Variants in THOC2 observed in about 807,000 individuals in gnomAD.
THOC2 encodes THO complex 2.
Under a neutral mutation model 128.4 loss-of-function variants are expected in THOC2, and 10 were observed. The ratio of observed to expected loss-of-function variants is 0.08; its 90% CI spans 0.05 to 0.13. The LOEUF (loss-of-function observed/expected upper bound fraction) is 0.13, where lower values mean the gene tolerates loss of function less well. Ranked by LOEUF, THOC2 falls within the 10% of genes least tolerant of loss-of-function variation. The pLI, the probability that THOC2 is intolerant of heterozygous loss-of-function variation, is 1.00. For synonymous variants in THOC2, 393 were observed against 396.9 expected (o/e 0.99, Z 0.12); for missense variants, 535 against 1,155.7 (o/e 0.46, Z 7.79).
rs192469062 is a variant in THOC2 at position 123,684,377 on chromosome X, C to T, written c.768+2171G>A. Among the ~76,000 whole-genome samples the T allele has an allele frequency of 5.6e-3, 630 of 111,772 alleles. 4 individuals are homozygous for T. The highest frequency in any genetic ancestry group is 0.023 in the Middle Eastern group (5 of 218). ...TGACAGAATGCTTGAATCTCTCTTT[C>T]CCAATACCAAGAGTGGACTTTCTGA... is the stretch of plus-strand genomic sequence containing the variant. On this transcript the variant is annotated intron_variant, in intron 8 of 38. Transcript: ENST00000245838.
intron 1 of THOC2, among the ~76,000 whole-genome samples, chrX:123,713,112 A>G (rs1048631664): frequency 6.2e-5 from 7 of 112,299 alleles, no homozygotes; most frequent in African/African-American, 2.3e-4. Context: ...AAATTAGAAT[A>G]TCACCATTTA....
At chrX:123,718,955 C>T (rs958566103) in intron 1 of THOC2, among the ~76,000 whole-genome samples, 8 of 110,289 alleles carry the variant, frequency 7.3e-5, no homozygotes, top group African/African-American at 2.3e-4. Flanking sequence ...GTGGGCGGAT[C>T]ATGAGGTCAG....
chrX:123,602,585 C>A (rs2046319938), intron 38 of THOC2: 1 of 111,811 alleles, frequency 8.9e-6, no homozygotes, highest in South Asian at 3.8e-4. Context: ...AAGGGAAGAA[C>A]TGGGAGTGAC....
chrX:123,625,819 G>A lies in THOC2; in HGVS notation c.3057+93C>T, dbSNP rs922910096. On this transcript the variant is annotated intron_variant, in intron 25 of 38. Coordinates refer to ENST00000245838, the MANE Select transcript of THOC2 (RefSeq NM_001081550.2). ...TCAGACACTTGGTTCTTGAGTTCAT[G>A]CTTTTTAACTAAACACACAATAATA... The A allele has an allele frequency of 3.7e-5, 35 of 948,190 alleles. No individual in the cohort carries two copies. The Admixed American group carries it at 1.0e-3, about 27-fold the overall frequency. The allele number at this position is 948,190 out of a possible 1,213,427, so 78.1% of individuals were successfully genotyped here. A position where few individuals can be genotyped will look rare whatever the true frequency, so the allele number is the denominator to read the frequency against.
intron 12 of THOC2, among the ~76,000 whole-genome samples, chrX:123,663,968 A>G: frequency 8.9e-6 from 1 of 111,794 alleles, no homozygotes; most frequent in South Asian, 3.8e-4. Flanking sequence ...TTATGACTGC[A>G]TAGTATTCCA....
intron 20 of THOC2, 69 bp from the exon 21 acceptor site, chrX:123,633,109 G>GA: frequency 1.2e-6 from 1 of 808,161 alleles, no homozygotes; most frequent in South Asian, 4.3e-5. Flanking sequence ...AAAAGACACA[G>GA]AAAAAAGTTG....
chrX:123,619,626 T>C, intron 32 of THOC2, 190 bp from the exon 33 acceptor site: 2 of 417,632 alleles, frequency 4.8e-6, no homozygotes, highest in Admixed American at 4.4e-5. Flanking sequence ...TGTTAAAAAC[T>C]AAATTAAATG....
Position 123,716,087 on chromosome X carries a change from C to G in THOC2, c.72-3179G>C, listed in dbSNP as rs771437278. Among the ~76,000 whole-genome samples the G allele has an allele frequency of 5.4e-5, 6 of 111,618 alleles. No individual in the cohort carries two copies. The East Asian group carries it at 1.7e-3, about 31-fold the overall frequency. ...AAAATCCTCAACAAACACCAGCAAACAGAATTTAACAGCACATTAAAAGGA... is the reference window on the plus strand; with the variant it reads ...AAAATCCTCAACAAACACCAGCAAAGAGAATTTAACAGCACATTAAAAGGA... On this transcript the variant is annotated intron_variant, in intron 1 of 38. Transcript: ENST00000245838.
chrX:123,727,758 G>A (rs1360598463), intron 1 of THOC2, among the ~76,000 whole-genome samples: 1 of 111,861 alleles, frequency 8.9e-6, no homozygotes, highest in African/African-American at 3.2e-5. Context: ...ATGCCACCAC[G>A]CCAGGCATTC....
intron 7 of THOC2, among the ~76,000 whole-genome samples, chrX:123,693,060 G>A (rs2050292204): frequency 8.9e-6 from 1 of 112,011 alleles, no homozygotes; most frequent in Non-Finnish European, 1.9e-5. Context: ...AATGAGACAA[G>A]GCCTGGATGA....
chrX:123,637,223 T>G lies in THOC2; in HGVS notation c.1921+820A>C, dbSNP rs34575860. Among the ~76,000 whole-genome samples, 546 of 111,767 alleles carry G rather than the reference T, an allele frequency of 4.9e-3. 2 individuals carry two copies. The highest frequency in any genetic ancestry group is 5.9e-3 in the Non-Finnish European group (316 of 53,180). The stretch of plus-strand genomic sequence containing the variant: ...TTACTTGTATGACTTATTAAACATT[T>G]CGGACTTTAAAGGACAATGGGGAGC... On this transcript the variant is annotated intron_variant, in intron 18 of 38. Coordinates refer to ENST00000245838, the MANE Select transcript of THOC2 (RefSeq NM_001081550.2).
rs367878305 is a variant in THOC2 at position 123,614,163 on chromosome X, T to C, written c.4338A>G (p.Pro1446=). ...AKLYINHTPP[P]LSKSKEREMD... is the part of the protein sequence containing the mutation. ...TTTCTCTCTCCTTACTCTTGGACAG[T>C]GGTGGAGGAGTATGATTAATGTAGA... is the stretch of plus-strand genomic sequence containing the variant. The change falls in exon 34 of 39, where the codon CCA becomes CCG. Residue 1446 remains proline (P), a synonymous_variant. Coordinates refer to ENST00000245838, the MANE Select transcript of THOC2 (RefSeq NM_001081550.2). 343 of 1,192,603 alleles carry C rather than the reference T, an allele frequency of 2.9e-4. 2 individuals carry two copies. The South Asian group carries it at 5.7e-3, about 20-fold the overall frequency.
chrX:123,636,454 G>A (rs982462585), intron 18 of THOC2, among the ~76,000 whole-genome samples: 1 of 111,900 alleles, frequency 8.9e-6, no homozygotes, highest in Non-Finnish European at 1.9e-5. Context: ...GATATGTCAT[G>A]TAACTTGCTC....
At position 123,682,529 on chromosome X, in the gene THOC2, G is replaced by A. The variant is rs371953631; in HGVS notation, c.768+4019C>T. 4.7e-4 allele frequency among the ~76,000 whole-genome samples: 53 copies of A among 112,049 alleles called. 1 individual carries two copies. The South Asian group carries it at 0.02, about 42-fold the overall frequency. On this transcript the variant is annotated intron_variant, in intron 8 of 38. Transcript: ENST00000245838. ...CCCTTGGCCTAGAGGCTCTTCCTCA[G>A]ACATCTATACAGTTTACATCCTCAT...
Position 123,696,845 on chromosome X carries a change from G to A in THOC2, c.346-3C>T, listed in dbSNP as rs769200759. On this transcript the variant is annotated splice_region_variant and splice_polypyrimidine_tract_variant and intron_variant, in intron 5 of 38. Transcript: ENST00000245838. ...AGAACTGTGTCTGAAACTAAATACT[G>A]TATTAAAAAATATTAAAGGTCATTT... The A allele has an allele frequency of 8.5e-7, 1 of 1,171,084 alleles. No homozygotes were observed. The highest frequency in any genetic ancestry group is 2.0e-5 in the South Asian group (1 of 50,172).
At chrX:123,689,899 CT>C (rs1453107339) in intron 7 of THOC2, among the ~76,000 whole-genome samples, 4 of 111,191 alleles carry the variant, frequency 3.6e-5, no homozygotes, top group Admixed American at 2.9e-4. Flanking sequence ...AGCCCAAGCA[CT>C]GATAATCATG....
chrX:123,726,789 G>A (rs2052010894), intron 1 of THOC2, among the ~76,000 whole-genome samples: 1 of 112,129 alleles, frequency 8.9e-6, no homozygotes, highest in South Asian at 3.7e-4. Flanking sequence ...ATGTCATCAT[G>A]AACTATTAGT....
intron 38 of THOC2, chrX:123,603,756 G>T: frequency 3.1e-6 from 1 of 322,943 alleles, no homozygotes; most frequent in South Asian, 7.7e-5. Flanking sequence ...AGCCTGGAAT[G>T]ACAAATCAGC....
At chrX:123,645,058 T>C in intron 13 of THOC2, 149 bp from the exon 14 acceptor site, 1 of 524,929 alleles carries the variant, frequency 1.9e-6, no homozygotes, top group Non-Finnish European at 3.0e-6. Context: ...ACAAAGCTTA[T>C]TTATGTTTCT....
Sources: allele counts gnomAD v4.1 joint callset (sites outside exome capture counted in the v4.1 genomes callset), GRCh38; gene constraint gnomAD v4.1.1; transcripts MANE v1.5; gene names NCBI Gene and HGNC (gene_info 2026-07-23, HGNC 2026-07-21).